Variants in ATXN7 observed in about 807,000 individuals in gnomAD.
ATXN7 encodes ataxin 7.
ATXN7 carries 12 observed loss-of-function variants against 70.5 expected under a neutral mutation model. The observed-to-expected ratio is 0.17, with a 90% CI of 0.11 to 0.28. The LOEUF (loss-of-function observed/expected upper bound fraction) is 0.28, where lower values mean the gene tolerates loss of function less well. Ranked by LOEUF, ATXN7 falls within the 10% of genes least tolerant of loss-of-function variation. ATXN7 has a pLI of 1.00. For synonymous variants in ATXN7, 498 were observed against 448.7 expected, an observed-to-expected ratio of 1.11 and a Z score of -1.39; for missense variants, 1,256 against 1,131.7, an observed-to-expected ratio of 1.11 and a Z score of -1.58.
At chr3:63,908,016 TG>T (rs1399225207) in intron 2 of ATXN7, among the ~76,000 whole-genome samples, 1 of 152,220 alleles carries the variant, frequency 6.6e-6, no homozygotes, top group Non-Finnish European at 1.5e-5. Context: ...TGCAAACATA[TG>T]ATTAAGAAAA....
intron 5 of ATXN7, among the ~76,000 whole-genome samples, chr3:63,965,062 G>A (rs116705022): frequency 0.031 from 4,717 of 152,232 alleles, 110 homozygotes; most frequent in Non-Finnish European, 0.048. Context: ...TGACACCTCT[G>A]CTGGCTTCTC....
intron 4 of ATXN7, among the ~76,000 whole-genome samples, chr3:63,914,734 T>A (rs995152066): frequency 2.0e-5 from 3 of 152,188 alleles, no homozygotes; most frequent in Admixed American, 6.5e-5. Context: ...ATGAGTTAAG[T>A]GTATTAATGT....
chr3:64,002,927 G>A lies in ATXN7; in HGVS notation c.*3460G>A, dbSNP rs1332276516. On this transcript the variant is annotated 3_prime_UTR_variant, in exon 13 of 13. Transcript: ENST00000674280. ...TATTCCAAAAATATAATACAAAGAA[G>A]TACCTCTGAGAACATTGAAAAAAAT... is the stretch of plus-strand genomic sequence containing the variant. The A allele has an allele frequency of 6.6e-6, 1 of 151,948 alleles. No individual in the cohort carries two copies. The highest frequency in any genetic ancestry group is 2.4e-5 in the African/African-American group (1 of 41,376). 9.4% of individuals were successfully genotyped at this position (151,948 alleles called of 1,614,324 possible). A position where few individuals can be genotyped will look rare whatever the true frequency, so the allele number is the denominator to read the frequency against.
Position 63,988,284 on chromosome 3 carries a change from G to A in ATXN7, c.1321G>A (p.Val441Ile), listed in dbSNP as rs756325788. The A allele has an allele frequency of 1.9e-6, 3 of 1,614,054 alleles. No homozygotes were observed. In the South Asian group the frequency reaches 3.3e-5, roughly 18 times the overall value. ...GATTCCTTCCGAATCAAAGCCTTTT[G>A]TAGCTAGTAAACCTAAACCTCACAC... ...GVIPSESKPF[V>I]ASKPKPHTPS... The change falls in exon 9 of 13, where the codon GTA becomes ATA. Residue 441 changes from valine to isoleucine, a missense_variant. Val to Ile is a conservative substitution (Grantham distance 29). Coordinates refer to ENST00000674280, the MANE Select transcript of ATXN7 (RefSeq NM_001377405.1).
intron 1 of ATXN7, among the ~76,000 whole-genome samples, chr3:63,870,970 C>T (rs886840103): frequency 3.5e-4 from 54 of 152,182 alleles, no homozygotes; most frequent in African/African-American, 1.3e-3. Context: ...CTGAGGGCTG[C>T]TTCTTTTAGT....
intron 2 of ATXN7, among the ~76,000 whole-genome samples, chr3:63,902,354 A>G (rs1703674657): frequency 6.6e-6 from 1 of 152,162 alleles, no homozygotes; most frequent in African/African-American, 2.4e-5. Flanking sequence ...GGGTGCAGTG[A>G]GCCGTGATTG....
At chr3:63,991,458 G>A (rs542108234) in intron 11 of ATXN7, among the ~76,000 whole-genome samples, 49 of 152,204 alleles carry the variant, frequency 3.2e-4, no homozygotes, top group Admixed American at 1.5e-3. Context: ...AAGCCTCTCT[G>A]AAGAAAGAGG....
At chr3:63,872,226 A>T (rs78337313) in intron 1 of ATXN7, among the ~76,000 whole-genome samples, 1 of 152,234 alleles carries the variant, frequency 6.6e-6, no homozygotes, top group Non-Finnish European at 1.5e-5. Context: ...ACTATAAAAT[A>T]TAGAAATATT....
At chr3:63,892,477 ACACACACACACACACACC>A (rs1354157522) in intron 1 of ATXN7, among the ~76,000 whole-genome samples, 27 of 145,714 alleles carry the variant, frequency 1.9e-4, no homozygotes, top group East Asian at 2.0e-4. Flanking sequence ...TCACACACAC[ACACACACACACACACACC>A]CACACACACA....
At chr3:63,943,689 T>C (rs2074809354) in intron 4 of ATXN7, among the ~76,000 whole-genome samples, 1 of 152,200 alleles carries the variant, frequency 6.6e-6, no homozygotes. Flanking sequence ...TCTTCTATTC[T>C]GTGCCTAACC....
intron 4 of ATXN7, among the ~76,000 whole-genome samples, chr3:63,933,277 A>C (rs757702778): frequency 6.6e-6 from 1 of 152,052 alleles, no homozygotes; most frequent in East Asian, 1.9e-4. Context: ...CCTTTCTTCA[A>C]GTTTTGGGCT....
chr3:63,977,862 T>A (rs183874197), intron 5 of ATXN7, among the ~76,000 whole-genome samples: 2 of 152,334 alleles, frequency 1.3e-5, no homozygotes, highest in Non-Finnish European at 2.9e-5. Context: ...ATTGATAAAG[T>A]AAATTAAAAT....
rs2075459827 is a variant in ATXN7 at position 63,980,068 on chromosome 3, G to C, written c.653G>C (p.Ser218Thr). ...GGTGTTCTTAGCGCATCCTCATCAAGTTCCAAGTTGTTGAAATCACCCAAA... is the reference window on the plus strand; with the variant it reads ...GGTGTTCTTAGCGCATCCTCATCAACTTCCAAGTTGTTGAAATCACCCAAA... ...SGGVLSASSS[S>T]SKLLKSPKEK... Residue 218 changes from serine to threonine, a missense_variant, in exon 6 of 13, where the codon AGT becomes ACT. Ser to Thr is a moderately conservative substitution (Grantham distance 58). Transcript: ENST00000674280. 6.2e-7 allele frequency: 1 copy of C among 1,614,174 alleles called. No homozygotes were observed. The highest frequency in any genetic ancestry group is 8.5e-7 in the Non-Finnish European group (1 of 1,180,040).
At chr3:63,865,485 C>T (rs1407825503) in intron 1 of ATXN7, 1 of 152,144 alleles carries the variant, frequency 6.6e-6, no homozygotes, top group Non-Finnish European at 1.5e-5. Flanking sequence ...ACAGGGCACT[C>T]TAAGAGAAGA....
At chr3:63,903,664 AAGCTGATG>A (rs1230918655) in intron 2 of ATXN7, 1 of 152,190 alleles carries the variant, frequency 6.6e-6, no homozygotes, top group Non-Finnish European at 1.5e-5. Flanking sequence ...GACTCTTCAT[AAGCTGATG>A]AGGTAGATAT....
At chr3:63,903,831 T>C (rs1162307922) in intron 2 of ATXN7, 1 of 152,182 alleles carries the variant, frequency 6.6e-6, no homozygotes, top group Admixed American at 6.5e-5. Flanking sequence ...CTGTGGCTGG[T>C]GGTGTCAGAT....
At position 63,990,795 on chromosome 3, in the gene ATXN7, T is replaced by A; in HGVS notation, c.1618T>A (p.Trp540Arg). The A allele has an allele frequency of 6.2e-7, 1 of 1,614,206 alleles. No homozygotes were observed. Among genetic ancestry groups the A allele is most frequent in the Non-Finnish European group, 8.5e-7 (1 of 1,180,040 alleles). ...GRGYYVFDSRWNRLRCALNLM... is the reference protein window; with the variant it reads ...GRGYYVFDSRRNRLRCALNLM... ...AGGCTATTACGTGTTTGACTCCAGG[T>A]GGAATCGACTTCGCTGCGCCCTCAA... Residue 540 changes from tryptophan to arginine, a missense_variant, in exon 11 of 13, where the codon TGG becomes AGG. Physicochemically the swap from Trp to Arg is moderately radical, Grantham distance 101. Transcript: ENST00000674280.
chr3:63,944,254 A>G (rs140178014), intron 4 of ATXN7, among the ~76,000 whole-genome samples: 251 of 152,332 alleles, frequency 1.6e-3, no homozygotes, highest in Admixed American at 4.3e-3. Context: ...TTTCCTGTAC[A>G]TACATAACTA....
At chr3:63,927,308 C>T (rs1704756403) in intron 4 of ATXN7, among the ~76,000 whole-genome samples, 1 of 152,110 alleles carries the variant, frequency 6.6e-6, no homozygotes, top group South Asian at 2.1e-4. Flanking sequence ...CAACATAAAC[C>T]AAGCCATCAC....
Sources: gnomAD v4.1 joint callset for allele counts (sites outside exome capture counted in the v4.1 genomes callset) on GRCh38, gnomAD v4.1.1 for gene constraint, MANE v1.5 for transcripts, NCBI Gene and HGNC (gene_info 2026-07-23, HGNC 2026-07-21) for gene names.